TRNAU1AP: variants seen among roughly 807,000 people sequenced by gnomAD.
TRNAU1AP encodes the protein tRNA selenocysteine 1 associated protein 1, also known as tRNA selenocysteine 1-associated protein 1.
In TRNAU1AP, 33 loss-of-function variants were observed where a neutral mutation model predicts 43.3. The observed-to-expected ratio is 0.76, with a 90% CI of 0.58 to 1.02. The LOEUF is 1.02. Among genes scored for constraint, TRNAU1AP ranks in the 50% least tolerant of loss-of-function variants. The pLI is 0.00. For missense variants in TRNAU1AP, 290 were observed against 362.7 expected, an observed-to-expected ratio of 0.80 and a Z score of 1.63; for synonymous variants, 143 against 129.1, an observed-to-expected ratio of 1.11 and a Z score of -0.73.
intron 4 of TRNAU1AP, 31 bp from the exon 5 acceptor site, chr1:28,564,672 G>T (rs368433879): frequency 6.1e-5 from 97 of 1,598,738 alleles, no homozygotes; most frequent in Non-Finnish European, 7.8e-5. Context: ...TTTGGTCTTT[G>T]CCTCTGAATC....
intron 4 of TRNAU1AP, 119 bp from the exon 5 acceptor site, chr1:28,564,584 G>C (rs1665494772): frequency 1.6e-6 from 2 of 1,234,490 alleles, no homozygotes. Flanking sequence ...TGGTTAAGTA[G>C]ACCCATCAAA....
intron 2 of TRNAU1AP, among the ~76,000 whole-genome samples, chr1:28,558,581 TTG>T (rs1379116893): frequency 1.3e-4 from 19 of 148,062 alleles, no homozygotes; most frequent in Non-Finnish European, 2.2e-4. Flanking sequence ...TTTTTTTTTT[TTG>T]AGACGGAGTC....
chr1:28,571,611 G>A (rs980562210), intron 7 of TRNAU1AP, among the ~76,000 whole-genome samples: 1 of 151,950 alleles, frequency 6.6e-6, no homozygotes, highest in East Asian at 1.9e-4. Context: ...GTGAAACCCT[G>A]TATCTACTAA....
intron 4 of TRNAU1AP, among the ~76,000 whole-genome samples, chr1:28,562,588 T>G (rs549073548): frequency 6.6e-6 from 1 of 152,052 alleles, no homozygotes; most frequent in South Asian, 2.1e-4. Context: ...TTTTGTGTTT[T>G]TTTTTTTTTG....
intron 4 of TRNAU1AP, among the ~76,000 whole-genome samples, chr1:28,563,665 C>T (rs1348869833): frequency 8.7e-5 from 13 of 149,254 alleles, no homozygotes; most frequent in African/African-American, 2.5e-4. Flanking sequence ...GCTTAGGGGA[C>T]AGAGCGAGAC....
Position 28,553,123 on chromosome 1 carries a change from C to G in TRNAU1AP, c.13C>G (p.Leu5Val). Reference sequence around the variant, plus strand: ...CCGGTGCGCGGGTATGGCGGCCAGCCTGTGGATGGGCGACGTGAGTGAGGG... The same window carrying G: ...CCGGTGCGCGGGTATGGCGGCCAGCGTGTGGATGGGCGACGTGAGTGAGGG... The part of the protein sequence containing the change: MAAS[L>V]WMGDLEPYMD... Residue 5 changes from leucine (L) to valine (V), a missense_variant, in exon 1 of 9, where the codon CTG becomes GTG. Physicochemically the swap from Leu to Val is conservative, Grantham distance 32 (BLOSUM62 1). Coordinates refer to ENST00000373830, the MANE Select transcript of TRNAU1AP (RefSeq NM_017846.5). 6.6e-7 allele frequency: 1 copy of G among 1,522,444 alleles called. No individual in the cohort carries two copies. Among genetic ancestry groups the G allele is most frequent in the East Asian group, 2.6e-5 (1 of 38,932 alleles). The allele number at this position is 1,522,444 out of a possible 1,614,324, so 94.3% of individuals were successfully genotyped here. A position where few individuals can be genotyped will look rare whatever the true frequency, so the allele number is the denominator to read the frequency against.
chr1:28,562,794 G>A (rs1047180974), intron 4 of TRNAU1AP, among the ~76,000 whole-genome samples: 3 of 151,908 alleles, frequency 2.0e-5, no homozygotes, highest in South Asian at 2.1e-4. Context: ...TGTTAGCCAG[G>A]ATGGTCTCGA....
chr1:28,571,336 C>A lies in TRNAU1AP; in HGVS notation c.691C>A (p.Gln231Lys), dbSNP rs752100471. 5 of 1,613,804 alleles carry A rather than the reference C, an allele frequency of 3.1e-6. No homozygotes were observed. The Admixed American group carries it at 8.3e-5, about 27-fold the overall frequency. Residue 231 changes from glutamine to lysine, a missense_variant and splice_region_variant, in exon 7 of 9, where the codon CAG becomes AAG. Gln to Lys is a moderately conservative substitution (Grantham distance 53). Transcript: ENST00000373830. ...PQYGYTQSTM[Q>K]TYEEVGDDAL... is the part of the protein sequence containing the mutation. ...GTATGGCTATACCCAGAGCACCATGCAGGTAACCATGACTTGGCAAGACTG... is the reference window on the plus strand; with the variant it reads ...GTATGGCTATACCCAGAGCACCATGAAGGTAACCATGACTTGGCAAGACTG...
At chr1:28,557,713 C>G (rs930545319) in intron 2 of TRNAU1AP, among the ~76,000 whole-genome samples, 1 of 150,042 alleles carries the variant, frequency 6.7e-6, no homozygotes, top group South Asian at 2.1e-4. Flanking sequence ...CTCAGCCTCC[C>G]GAGTAGCTAG....
rs1557440469 is a variant in TRNAU1AP at position 28,577,785 on chromosome 1, A to G, written c.*149A>G. The G allele has an allele frequency of 3.5e-6, 3 of 860,510 alleles. No homozygotes were observed. The highest frequency in any genetic ancestry group is 5.3e-6 in the Non-Finnish European group (3 of 569,426). 53.3% of individuals were successfully genotyped at this position (860,510 alleles called of 1,614,324 possible). A position where few individuals can be genotyped will look rare whatever the true frequency, so the allele number is the denominator to read the frequency against. On this transcript the variant is annotated 3_prime_UTR_variant, in exon 9 of 9. Coordinates refer to ENST00000373830, the MANE Select transcript of TRNAU1AP (RefSeq NM_017846.5). Reference sequence around the variant, plus strand: ...ATGAATGTTTCTACAACACTGCTGCATTCATTTGACCATTTGAGTTTGAAG... The same window carrying G: ...ATGAATGTTTCTACAACACTGCTGCGTTCATTTGACCATTTGAGTTTGAAG...
rs539136178 is a variant in TRNAU1AP, at chr1:28,570,039, T to G, written c.531-1137T>G. ...AAAACGAAAACAAAAGGCGGGGTGC[T>G]GTGGCTCACGCCTGTAATCCCAACA... On this transcript the variant is annotated intron_variant, in intron 6 of 8. Coordinates refer to ENST00000373830, the MANE Select transcript of TRNAU1AP (RefSeq NM_017846.5). 2.0e-5 allele frequency among the ~76,000 whole-genome samples: 3 copies of G among 146,676 alleles called. No homozygotes were observed. The South Asian group carries it at 6.6e-4, about 32-fold the overall frequency.
At chr1:28,573,209 T>C (rs1665699908) in intron 8 of TRNAU1AP, among the ~76,000 whole-genome samples, 1 of 150,548 alleles carries the variant, frequency 6.6e-6, no homozygotes. Context: ...AATTTTTGTA[T>C]TCTTAGTAGA....
chr1:28,563,762 G>T (rs1167940392), intron 4 of TRNAU1AP, among the ~76,000 whole-genome samples: 1 of 151,994 alleles, frequency 6.6e-6, no homozygotes, highest in African/African-American at 2.4e-5. Flanking sequence ...TGAGGCAAGA[G>T]AATCGCTTAA....
At position 28,556,846 on chromosome 1, in the gene TRNAU1AP, G is replaced by A. The variant is rs193247608; in HGVS notation, c.125+3109G>A. 5.1e-3 allele frequency among the ~76,000 whole-genome samples: 777 copies of A among 152,110 alleles called. 6 individuals are homozygous for A. Among genetic ancestry groups the A allele is most frequent in the Admixed American group, 0.021 (321 of 15,266 alleles). On this transcript the variant is annotated intron_variant, in intron 2 of 8. Coordinates refer to ENST00000373830, the MANE Select transcript of TRNAU1AP (RefSeq NM_017846.5). ...CTACAGCCGTGTGCCACCACATCCAGCTAATTTTCTGTATTTTTAGTAGAG... is the reference window on the plus strand; with the variant it reads ...CTACAGCCGTGTGCCACCACATCCAACTAATTTTCTGTATTTTTAGTAGAG...
At chr1:28,568,834 T>C (rs536511125) in intron 6 of TRNAU1AP, among the ~76,000 whole-genome samples, 1 of 150,494 alleles carries the variant, frequency 6.6e-6, no homozygotes, top group Admixed American at 6.7e-5. Flanking sequence ...TTTTTTGAGA[T>C]GGTGTCTTGC....
chr1:28,572,808 G>C (rs867031869), intron 8 of TRNAU1AP, among the ~76,000 whole-genome samples: 1 of 151,228 alleles, frequency 6.6e-6, no homozygotes, highest in Admixed American at 6.6e-5. Flanking sequence ...GGTGATGGGC[G>C]CCTGTAGTCC....
chr1:28,568,968 A>G (rs1287312218), intron 6 of TRNAU1AP, among the ~76,000 whole-genome samples: 2 of 151,890 alleles, frequency 1.3e-5, no homozygotes, highest in Non-Finnish European at 2.9e-5. Flanking sequence ...TGTGCCACCA[A>G]GCCCAGCTAA....
In TRNAU1AP at chr1:28,577,708, C is replaced by T. The variant is rs1665829426; in HGVS notation, c.*72C>T. On this transcript the variant is annotated 3_prime_UTR_variant, in exon 9 of 9. Transcript: ENST00000373830. ...GACTCCTTTTTAAAAATTGTGAAAC[C>T]TTTTTGGAAATATGATTTGTAAGAT... 4 of 1,467,806 alleles carry T rather than the reference C, an allele frequency of 2.7e-6. No homozygotes were observed. The African/African-American group carries it at 4.3e-5, about 16-fold the overall frequency. The allele number at this position is 1,467,806 out of a possible 1,614,324, so 90.9% of individuals were successfully genotyped here.
intron 8 of TRNAU1AP, among the ~76,000 whole-genome samples, chr1:28,572,874 G>T (rs1021217184): frequency 4.0e-5 from 6 of 151,702 alleles, no homozygotes; most frequent in Admixed American, 3.9e-4. Flanking sequence ...GGCAGAGCTT[G>T]CAGTGAGCCG....
Sources: allele counts gnomAD v4.1 joint callset (sites outside exome capture counted in the v4.1 genomes callset), GRCh38; gene constraint gnomAD v4.1.1; transcripts MANE v1.5; gene names NCBI Gene and HGNC (gene_info 2026-07-23, HGNC 2026-07-21).